Variants in LAMC1 observed in about 807,000 individuals in gnomAD.
LAMC1 encodes the protein laminin subunit gamma-1.
In LAMC1, 38 loss-of-function variants were observed where a neutral mutation model predicts 173.6. The ratio of observed to expected loss-of-function variants is 0.22; its 90% CI spans 0.17 to 0.29. LAMC1 has a LOEUF of 0.29. LAMC1 is among the 10% of genes least tolerant of loss of function. LAMC1 has a pLI of 1.00. For missense variants in LAMC1, 1,824 were observed against 2,051.8 expected (o/e 0.89, Z 2.14); for synonymous variants, 746 against 749.1 (o/e 1.00, Z 0.07).
intron 13 of LAMC1, among the ~76,000 whole-genome samples, chr1:183,123,060 C>A (rs1656523655): frequency 1.3e-5 from 2 of 152,146 alleles, no homozygotes; most frequent in Non-Finnish European, 2.9e-5. Context: ...TAAACAAATC[C>A]AAGTTAAATA....
chr1:183,128,286 A>G (rs4651144), intron 17 of LAMC1, among the ~76,000 whole-genome samples: 78,294 of 151,484 alleles, frequency 0.52, 20,869 homozygotes, highest in South Asian at 0.65. Context: ...TCAAAGGAAC[A>G]GCTCTGAAGG....
rs1013376414 is a variant in LAMC1 at position 183,143,151 on chromosome 1, T to C, written c.*361T>C. On this transcript the variant is annotated 3_prime_UTR_variant, in exon 28 of 28. Coordinates refer to ENST00000258341, the MANE Select transcript of LAMC1 (RefSeq NM_002293.4). ...AAGTAGCCCTCCCCTGTCTCATCGA[T>C]ACCAGCAGAACCTCCTCAGTCTCAG... is the stretch of plus-strand genomic sequence containing the variant. The C allele has an allele frequency of 4.8e-5, 9 of 187,382 alleles. No homozygotes were observed. The highest frequency in any genetic ancestry group is 1.0e-4 in the Non-Finnish European group (9 of 88,726). 11.6% of individuals were successfully genotyped at this position (187,382 alleles called of 1,614,324 possible).
chr1:183,082,196 C>T (rs938583122), intron 1 of LAMC1, among the ~76,000 whole-genome samples: 7 of 152,188 alleles, frequency 4.6e-5, no homozygotes, highest in African/African-American at 4.8e-5. Flanking sequence ...TCTATAAACA[C>T]ATCTGTATAC....
At chr1:183,055,279 C>G (rs983597403) in intron 1 of LAMC1, among the ~76,000 whole-genome samples, 2 of 151,820 alleles carry the variant, frequency 1.3e-5, no homozygotes, top group South Asian at 2.1e-4. Flanking sequence ...TATGAGCCAC[C>G]GCGCCCGGAC....
At chr1:183,099,523 T>C (rs2102066464) in intron 1 of LAMC1, among the ~76,000 whole-genome samples, 1 of 152,254 alleles carries the variant, frequency 6.6e-6, no homozygotes, top group Non-Finnish European at 1.5e-5. Context: ...TTGAACCCCA[T>C]TGATTCCTCC....
At chr1:183,089,271 C>T (rs866216828) in intron 1 of LAMC1, among the ~76,000 whole-genome samples, 1 of 152,152 alleles carries the variant, frequency 6.6e-6, no homozygotes, top group Non-Finnish European at 1.5e-5. Context: ...GTTTGAAATA[C>T]GGCAAAGAAT....
chr1:183,138,362 A>G (rs1340679356), intron 26 of LAMC1: 1 of 190,268 alleles, frequency 5.3e-6, no homozygotes, highest in East Asian at 1.9e-4. Flanking sequence ...TGGATGGCCC[A>G]AGGAAGAACT....
chr1:183,127,831 C>T (rs1308940236), intron 17 of LAMC1, among the ~76,000 whole-genome samples: 2 of 151,988 alleles, frequency 1.3e-5, no homozygotes, highest in Non-Finnish European at 2.9e-5. Flanking sequence ...GAGGTTGGTA[C>T]GGACAGGTTA....
Position 183,111,995 on chromosome 1 carries a change from C to T in LAMC1, c.1021+1341C>T, listed in dbSNP as rs560654030. Among the ~76,000 whole-genome samples, 7 of 152,268 alleles carry T rather than the reference C, an allele frequency of 4.6e-5. No homozygotes were observed. In the South Asian group the frequency reaches 8.3e-4, roughly 18 times the overall value. ...CGGAGGTTGCAGTGAGTCAAGATTG[C>T]GCCACTGCACTCCAGCCTGGGCAAC... On this transcript the variant is annotated intron_variant, in intron 4 of 27. Coordinates refer to ENST00000258341, the MANE Select transcript of LAMC1 (RefSeq NM_002293.4).
intron 1 of LAMC1, among the ~76,000 whole-genome samples, chr1:183,037,855 A>C (rs1654023376): frequency 6.6e-6 from 1 of 152,096 alleles, no homozygotes; most frequent in Non-Finnish European, 1.5e-5. Context: ...TCTAGAACTT[A>C]AAATTCTAGG....
rs1431274971 is a variant in LAMC1 at position 183,140,284 on chromosome 1, T to C, written c.4474-120T>C. ...AAAAAAAGCAATGAGAGGTTTCAAT[T>C]TCCTAAGTTAGAAAAGGGAAGAAAA... On this transcript the variant is annotated intron_variant, in intron 26 of 27. Coordinates refer to ENST00000258341, the MANE Select transcript of LAMC1 (RefSeq NM_002293.4). 8.7e-6 allele frequency: 3 copies of C among 345,346 alleles called. No homozygotes were observed. The East Asian group carries it at 1.9e-4, about 22-fold the overall frequency. The allele number at this position is 345,346 out of a possible 1,614,324, so 21.4% of individuals were successfully genotyped here. A position where few individuals can be genotyped will look rare whatever the true frequency, so the allele number is the denominator to read the frequency against.
intron 1 of LAMC1, among the ~76,000 whole-genome samples, chr1:183,072,322 G>A (rs773940939): frequency 5.3e-5 from 8 of 152,206 alleles, no homozygotes; most frequent in Non-Finnish European, 8.8e-5. Context: ...AGGGTCTGCA[G>A]ACAGCTCTTT....
At position 183,121,778 on chromosome 1, in the gene LAMC1, C is replaced by A; in HGVS notation, c.2046C>A (p.Val682=). 6.2e-7 allele frequency: 1 copy of A among 1,614,144 alleles called. No homozygotes were observed. Among genetic ancestry groups the A allele is most frequent in the Non-Finnish European group, 8.5e-7 (1 of 1,180,030 alleles). The change falls in exon 12 of 28, where the codon GTC becomes GTA. Residue 682 remains valine (V), a synonymous_variant. Coordinates refer to ENST00000258341, the MANE Select transcript of LAMC1 (RefSeq NM_002293.4). ...CAAGTGCTCGTCCTGGGCCTGGAGT[C>A]CCTGCAACTTGGGTGGAGTCCTGCA... ...TLASARPGPG[V]PATWVESCTC... is the part of the protein sequence containing the mutation.
At position 183,117,692 on chromosome 1, in the gene LAMC1, C is replaced by G; in HGVS notation, c.1846C>G (p.Pro616Ala). 6.2e-7 allele frequency: 1 copy of G among 1,614,142 alleles called. No individual in the cohort carries two copies. Among genetic ancestry groups the G allele is most frequent in the South Asian group, 1.1e-5 (1 of 91,068 alleles). The change falls in exon 10 of 28, where the codon CCA becomes GCA. Residue 616 changes from proline to alanine, a missense_variant. Coordinates refer to ENST00000258341, the MANE Select transcript of LAMC1 (RefSeq NM_002293.4). ...CTTGATCGCTCAGGGCAATTCCTAT[C>G]CAAGTGAGACCACTGTGAAGTATGT... ...VPLIAQGNSYPSETTVKYVFR... is the reference protein window; with the variant it reads ...VPLIAQGNSYASETTVKYVFR...
chr1:183,142,511 C>A (rs1212261133), intron 27 of LAMC1, 23 bp from the exon 28 acceptor site: 11 of 1,589,390 alleles, frequency 6.9e-6, no homozygotes, highest in Non-Finnish European at 9.4e-6. Flanking sequence ...CTGTTCTCTT[C>A]TATGTACTTT....
At chr1:183,096,997 G>T (rs1346660354) in intron 1 of LAMC1, among the ~76,000 whole-genome samples, 1 of 152,096 alleles carries the variant, frequency 6.6e-6, no homozygotes, top group Non-Finnish European at 1.5e-5. Context: ...TAGTGCTTCC[G>T]ATCATCTGCC....
intron 1 of LAMC1, among the ~76,000 whole-genome samples, chr1:183,037,903 A>G (rs1283619914): frequency 2.0e-5 from 3 of 152,084 alleles, no homozygotes; most frequent in East Asian, 3.9e-4. Context: ...CCCCTTTTTA[A>G]AAAAAGTCAA....
chr1:183,036,730 T>G (rs1450038224), intron 1 of LAMC1, among the ~76,000 whole-genome samples: 1 of 151,760 alleles, frequency 6.6e-6, no homozygotes, highest in Non-Finnish European at 1.5e-5. Context: ...AAAAAACACA[T>G]TACGCTTATT....
intron 1 of LAMC1, among the ~76,000 whole-genome samples, chr1:183,053,633 GTT>G (rs935100802): frequency 6.9e-6 from 1 of 145,286 alleles, no homozygotes. Context: ...GATAGTTTTG[GTT>G]TTTTTTTTTT....
Sources: allele counts gnomAD v4.1 joint callset (sites outside exome capture counted in the v4.1 genomes callset), GRCh38; gene constraint gnomAD v4.1.1; transcripts MANE v1.5; gene names NCBI Gene and HGNC (gene_info 2026-07-23, HGNC 2026-07-21).